The following GMIP variants were observed in gnomAD, a reference collection of about 807,000 sequenced individuals.
GMIP encodes GEM interacting protein.
In GMIP, 54 loss-of-function variants were observed where a neutral mutation model predicts 105.3. The observed-to-expected ratio is 0.51, with a 90% CI of 0.41 to 0.64. GMIP has a LOEUF of 0.64. Ranked by LOEUF, GMIP falls within the 30% of genes least tolerant of loss-of-function variation. The pLI is 0.00. For missense variants in GMIP, 1,110 were observed against 1,319.4 expected (o/e 0.84, Z 2.46); for synonymous variants, 541 against 560.8 (o/e 0.96, Z 0.50).
Position 19,637,458 on chromosome 19 carries a change from C to T in GMIP, c.1031G>A (p.Arg344His). 2.6e-6 allele frequency: 4 copies of T among 1,531,206 alleles called. No individual in the cohort carries two copies. The highest frequency in any genetic ancestry group is 3.5e-6 in the Non-Finnish European group (4 of 1,140,980). The allele number at this position is 1,531,206 out of a possible 1,614,324, so 94.9% of individuals were successfully genotyped here. A position where few individuals can be genotyped will look rare whatever the true frequency, so the allele number is the denominator to read the frequency against. Residue 344 changes from arginine to histidine, a missense_variant, in exon 11 of 21, where the codon CGC becomes CAC. Arg to His is a conservative substitution (Grantham distance 29, BLOSUM62 0). Transcript: ENST00000203556. This position sits in a 1 kb window ranked among gnomAD's most constrained non-coding sequence, Gnocchi z 6.7. ...CAGCGCCCGTACAAACTCCTGGTAG[C>T]GCTGGCCCGGCTCAAAGGGCGCACA... ...ECCAPFEPGQRYQEFVRALRP... is the reference protein window; with the variant it reads ...ECCAPFEPGQHYQEFVRALRP...
Position 19,640,548 on chromosome 19 carries a change from T to A in GMIP, c.262A>T (p.Ile88Phe). Residue 88 changes from isoleucine (I) to phenylalanine (F), a missense_variant, in exon 5 of 21, where the codon ATT becomes TTT. By Grantham distance (21) the Ile-to-Phe change is conservative. Around this residue, in one of 3 missense-constraint regions of GMIP, gnomAD observed 667 missense variants for 773.2 expected, o/e 0.86. Transcript: ENST00000203556. ...GCGTCCACACCCCCCTTTGTCCGAA[T>A]GAGCCGCAAGTCCAGTTCCTCCCCT... Reference protein sequence around the residue: ...LTGEELDLRLIRTKGGVDAAL... With the variant: ...LTGEELDLRLFRTKGGVDAAL... 1 of 1,614,028 alleles carries A rather than the reference T, an allele frequency of 6.2e-7. No individual in the cohort carries two copies.
rs762820683 is a variant in GMIP, at chr19:19,635,677, CAG to C, written c.1370_1371del (p.Thr457ArgfsTer5). 6.2e-7 allele frequency: 1 copy of C among 1,614,178 alleles called. No individual in the cohort carries two copies. The highest frequency in any genetic ancestry group is 2.2e-5 in the East Asian group (1 of 44,874). On this transcript the variant is annotated frameshift_variant, in exon 14 of 21. Transcript: ENST00000203556. LOFTEE classifies it high-confidence loss of function. The surrounding 1 kb of genome is among the most constrained non-coding windows in gnomAD (Gnocchi z 4.7). Reference protein sequence around the residue: ...RQLVKASSTGTESSDDFEERD... With the variant: ...RQLVKASSTGXESSDDFEERD... ...CGCTCCTCAAAGTCATCTGAGGACT[CAG>C]TGCCTGTGGACGAAGCCTTCACCAG...
In GMIP at chr19:19,640,109, G is replaced by T; in HGVS notation, c.513C>A (p.Ala171=). 6.2e-7 allele frequency: 1 copy of T among 1,611,376 alleles called. No individual in the cohort carries two copies. Among genetic ancestry groups the T allele is most frequent in the Non-Finnish European group, 8.5e-7 (1 of 1,177,590 alleles). The change falls in exon 7 of 21, where the codon GCC becomes GCA. Residue 171 remains alanine, a synonymous_variant. Transcript: ENST00000203556. ...CCTGGTAGTAGTCTCTTTTCTGCTG[G>T]GCCACTGTCTCCATGGCCAGGGTTC... is the stretch of plus-strand genomic sequence containing the variant. ...SLGTLAMETV[A]QQKRDYYQPL...
In GMIP at chr19:19,634,318, C is replaced by A; in HGVS notation, c.2085-128G>T. The A allele has an allele frequency of 9.4e-7, 1 of 1,064,240 alleles. No homozygotes were observed. Among genetic ancestry groups the A allele is most frequent in the Non-Finnish European group, 1.3e-6 (1 of 748,330 alleles). The allele number at this position is 1,064,240 out of a possible 1,614,324, so 65.9% of individuals were successfully genotyped here. A position where few individuals can be genotyped will look rare whatever the true frequency, so the allele number is the denominator to read the frequency against. On this transcript the variant is annotated intron_variant, in intron 18 of 20. Coordinates refer to ENST00000203556, the MANE Select transcript of GMIP (RefSeq NM_016573.4). The surrounding 1 kb of genome is among the most constrained non-coding windows in gnomAD (Gnocchi z 6.1). ...GTCACAGGTGTAAGTCGTCTGAGAC[C>A]AGCAGCCACATATCCAGAACTGGAG...
At chr19:19,639,117 T>C (rs935906857) in intron 7 of GMIP, among the ~76,000 whole-genome samples, 1 of 151,710 alleles carries the variant, frequency 6.6e-6, no homozygotes, top group African/African-American at 2.4e-5. Flanking sequence ...TTTTGGTAGA[T>C]AAAGACAGGG....
rs746226538 is a variant in GMIP, at chr19:19,641,908, G to A, written c.181-41C>T. ...ACAGTATTCAGAAGCAAACAGGGCAGGGGCCTGGCCTTCCTAAGGCCCCCT... is the reference window on the plus strand; with the variant it reads ...ACAGTATTCAGAAGCAAACAGGGCAAGGGCCTGGCCTTCCTAAGGCCCCCT... On this transcript the variant is annotated intron_variant, in intron 3 of 20. Coordinates refer to ENST00000203556, the MANE Select transcript of GMIP (RefSeq NM_016573.4). 16 of 1,608,444 alleles carry A rather than the reference G, an allele frequency of 9.9e-6. No homozygotes were observed. In the African/African-American group the frequency reaches 2.0e-4, roughly 20 times the overall value.
rs370255132 is a variant in GMIP at position 19,634,509 on chromosome 19, G to T, written c.2082C>A (p.Phe694Leu). Residue 694 changes from phenylalanine (F) to leucine (L), a missense_variant and splice_region_variant, in exon 18 of 21, where the codon TTC becomes TTA. Phe to Leu is a conservative substitution (Grantham distance 22). Coordinates refer to ENST00000203556, the MANE Select transcript of GMIP (RefSeq NM_016573.4). This position sits in a 1 kb window ranked among gnomAD's most constrained non-coding sequence, Gnocchi z 6.1. ...NTLRHLVAHL[F>L]RVAARFMENK... ...AAGGCTCAGGGACCCATGCACACCT[G>T]AACAGATGGGCCACCAGGTGCCGCA... 1.2e-6 allele frequency: 2 copies of T among 1,608,760 alleles called. No individual in the cohort carries two copies. Among genetic ancestry groups the T allele is most frequent in the Non-Finnish European group, 1.7e-6 (2 of 1,178,512 alleles).
chr19:19,636,920 G>T lies in GMIP; in HGVS notation c.1234C>A (p.Gln412Lys), dbSNP rs1048460143. ...ACCTGGCCCTCATTGCACTCACCTT[G>T]CCAGCGCCAGCCTGTGCCCGGATCC... ...WEDPGTGWRW[Q>K]GTPGPTPGSD... is the part of the protein sequence containing the mutation. Residue 412 changes from glutamine to lysine, a missense_variant, in exon 12 of 21, where the codon CAA (glutamine) becomes AAA (lysine). Around this residue, in one of 3 missense-constraint regions of GMIP, gnomAD observed 667 missense variants for 773.2 expected, o/e 0.86. Transcript: ENST00000203556. 1.3e-6 allele frequency: 2 copies of T among 1,575,390 alleles called. No homozygotes were observed. Among genetic ancestry groups the T allele is most frequent in the Non-Finnish European group, 1.7e-6 (2 of 1,159,066 alleles).
chr19:19,637,437 G>T lies in GMIP; in HGVS notation c.1052C>A (p.Ala351Glu). The change falls in exon 11 of 21, where the codon GCG becomes GAG. Residue 351 changes from alanine to glutamate, a missense_variant. Ala to Glu is a moderately radical substitution (Grantham distance 107, BLOSUM62 -1). Coordinates refer to ENST00000203556, the MANE Select transcript of GMIP (RefSeq NM_016573.4). The surrounding 1 kb of genome is among the most constrained non-coding windows in gnomAD (Gnocchi z 6.7). Reference protein sequence around the residue: ...PGQRYQEFVRALRPEAPPPPP... With the variant: ...PGQRYQEFVRELRPEAPPPPP... Reference sequence around the variant, plus strand: ...GGGCGGCGGGGCCTCGGGCCGCAGCGCCCGTACAAACTCCTGGTAGCGCTG... The same window carrying T: ...GGGCGGCGGGGCCTCGGGCCGCAGCTCCCGTACAAACTCCTGGTAGCGCTG... The T allele has an allele frequency of 2.0e-6, 3 of 1,508,512 alleles. No individual in the cohort carries two copies. Among genetic ancestry groups the T allele is most frequent in the Non-Finnish European group, 2.6e-6 (3 of 1,134,084 alleles). The allele number at this position is 1,508,512 out of a possible 1,614,324, so 93.4% of individuals were successfully genotyped here. A position where few individuals can be genotyped will look rare whatever the true frequency, so the allele number is the denominator to read the frequency against.
Position 19,629,572 on chromosome 19 carries a change from C to G in GMIP, c.*391G>C. ...TCCTCCAGGAAGGTCACTTCGAGTC[C>G]GTGAAGGAGGCAGGCAGGTGTGGGG... On this transcript the variant is annotated 3_prime_UTR_variant, in exon 21 of 21. Coordinates refer to ENST00000203556, the MANE Select transcript of GMIP (RefSeq NM_016573.4). The G allele has an allele frequency of 5.0e-6, 1 of 199,740 alleles. No individual in the cohort carries two copies. The highest frequency in any genetic ancestry group is 8.7e-5 in the South Asian group (1 of 11,474). 12.4% of individuals were successfully genotyped at this position (199,740 alleles called of 1,614,324 possible). A position where few individuals can be genotyped will look rare whatever the true frequency, so the allele number is the denominator to read the frequency against.
chr19:19,637,957 C>G lies in GMIP; in HGVS notation c.890G>C (p.Arg297Pro). The G allele has an allele frequency of 6.2e-7, 1 of 1,610,386 alleles. No individual in the cohort carries two copies. The highest frequency in any genetic ancestry group is 8.5e-7 in the Non-Finnish European group (1 of 1,179,006). Residue 297 changes from arginine to proline, a missense_variant, in exon 10 of 21, where the codon CGC becomes CCC. Arg to Pro is a moderately radical substitution (Grantham distance 103). This residue lies in a region of GMIP where 667 missense variants were observed against 773.2 expected (regional missense o/e 0.86). Transcript: ENST00000203556. This position sits in a 1 kb window ranked among gnomAD's most constrained non-coding sequence, Gnocchi z 6.7. Reference protein sequence around the residue: ...IAKQRIVSHVRKLVFQGDEVL... With the variant: ...IAKQRIVSHVPKLVFQGDEVL... ...TTCATCCCCCTGAAACACCAGCTTG[C>G]GCACGTGCGACACGATTCGCTGCTT...
rs1203681563 is a variant in GMIP at position 19,641,765 on chromosome 19, A to G, written c.238+45T>C. On this transcript the variant is annotated intron_variant, in intron 4 of 20. Transcript: ENST00000203556. ...GATCAGTGGTGATTTGTTGAAGGAA[A>G]GACTCCTGTCTGTCCCCACTGTCCT... 3.6e-6 allele frequency: 5 copies of G among 1,382,882 alleles called. No individual in the cohort carries two copies. In the East Asian group the frequency reaches 6.9e-5, roughly 19 times the overall value. 85.7% of individuals were successfully genotyped at this position (1,382,882 alleles called of 1,614,324 possible).
chr19:19,630,731 G>C lies in GMIP; in HGVS notation c.2473-194C>G, dbSNP rs1288086004. Among the ~76,000 whole-genome samples, 2 of 152,212 alleles carry C rather than the reference G, an allele frequency of 1.3e-5. No individual in the cohort carries two copies. The highest frequency in any genetic ancestry group is 1.3e-4 in the Admixed American group (2 of 15,280). On this transcript the variant is annotated intron_variant, in intron 19 of 20. Transcript: ENST00000203556. The surrounding 1 kb of genome is among the most constrained non-coding windows in gnomAD (Gnocchi z 4.8). Reference sequence around the variant, plus strand: ...ATGAGGGAAAGGTGGTAGGAAGTGAGACCAAAGAGGAGTGGGCCCAGGTGG... The same window carrying C: ...ATGAGGGAAAGGTGGTAGGAAGTGACACCAAAGAGGAGTGGGCCCAGGTGG...
In GMIP at chr19:19,635,508, G is replaced by A. The variant is rs777140420; in HGVS notation, c.1467C>T (p.Ser489=). 4.0e-5 allele frequency: 65 copies of A among 1,612,514 alleles called. No individual in the cohort carries two copies. The highest frequency in any genetic ancestry group is 3.4e-4 in the Middle Eastern group (2 of 5,852). Residue 489 remains serine, a synonymous_variant, in exon 15 of 21, where the codon AGC becomes AGT. Coordinates refer to ENST00000203556, the MANE Select transcript of GMIP (RefSeq NM_016573.4). This position sits in a 1 kb window ranked among gnomAD's most constrained non-coding sequence, Gnocchi z 4.7. The part of the protein sequence containing the change: ...GSPFGKWTLS[S]AAQTHQLRRL... Reference sequence around the variant, plus strand: ...GCCGCAGCTGGTGGGTCTGAGCCGCGCTGGACAGTGTCCACTTCCCGAAGG... The same window carrying A: ...GCCGCAGCTGGTGGGTCTGAGCCGCACTGGACAGTGTCCACTTCCCGAAGG...
chr19:19,631,811 C>A (rs2061798302), intron 19 of GMIP, among the ~76,000 whole-genome samples: 1 of 150,516 alleles, frequency 6.6e-6, no homozygotes, highest in African/African-American at 2.5e-5. Flanking sequence ...CACGGTGAAA[C>A]CCCGTCTCTA....
At chr19:19,642,134 T>C in intron 2 of GMIP, 83 bp from the exon 3 acceptor site, 3 of 804,582 alleles carry the variant, frequency 3.7e-6, no homozygotes, top group Non-Finnish European at 6.1e-6. Context: ...GGGTTGTTTG[T>C]GGCAAACATC....
Position 19,642,636 on chromosome 19 carries a change from T to C in GMIP, c.20-17A>G. ...GGGGGAGTCCTAGGGGAGGGGAGTG[T>C]AATACATGGGCTAACCACTGCCTCC... On this transcript the variant is annotated splice_polypyrimidine_tract_variant and intron_variant, in intron 1 of 20. Transcript: ENST00000203556. 1 of 1,416,380 alleles carries C rather than the reference T, an allele frequency of 7.1e-7. No individual in the cohort carries two copies. The highest frequency in any genetic ancestry group is 9.9e-7 in the Non-Finnish European group (1 of 1,005,730). The allele number at this position is 1,416,380 out of a possible 1,614,324, so 87.7% of individuals were successfully genotyped here.
chr19:19,639,201 C>G (rs963057478), intron 7 of GMIP, among the ~76,000 whole-genome samples: 1 of 151,838 alleles, frequency 6.6e-6, no homozygotes, highest in Non-Finnish European at 1.5e-5. Context: ...CTCCTAGTAG[C>G]TAGCACTGCA....
chr19:19,634,670 C>T lies in GMIP; in HGVS notation c.1921G>A (p.Asp641Asn), dbSNP rs12003. The change falls in exon 18 of 21, where the codon GAC (aspartate) becomes AAC (asparagine). Residue 641 changes from aspartate (D) to asparagine (N), a missense_variant. This residue lies in a region of GMIP where 394 missense variants were observed against 450.5 expected (regional missense o/e 0.87). Transcript: ENST00000203556. This position sits in a 1 kb window ranked among gnomAD's most constrained non-coding sequence, Gnocchi z 6.1. Reference sequence around the variant, plus strand: ...GTCTTAGCCAGAGAGATGAAGGCGTCGTAGAGGTGGAAGGGGATCACGGGC... The same window carrying T: ...GTCTTAGCCAGAGAGATGAAGGCGTTGTAGAGGTGGAAGGGGATCACGGGC... Reference protein sequence around the residue: ...TEPVIPFHLYDAFISLAKTLH... With the variant: ...TEPVIPFHLYNAFISLAKTLH... The T allele has an allele frequency of 0.034, 55,456 of 1,611,504 alleles. 1,098 individuals carry two copies. Among genetic ancestry groups the T allele is most frequent in the Non-Finnish European group, 0.038 (44,474 of 1,178,436 alleles).
Sources: allele counts gnomAD v4.1 joint callset (sites outside exome capture counted in the v4.1 genomes callset), GRCh38; gene constraint gnomAD v4.1.1; regional missense constraint gnomAD v4.1.1; non-coding constraint Gnocchi (gnomAD v3.1); transcripts MANE v1.5; gene names NCBI Gene and HGNC (gene_info 2026-07-23, HGNC 2026-07-21).